SIPA1L3: variants seen among roughly 807,000 people sequenced by gnomAD.
SIPA1L3 encodes signal-induced proliferation-associated 1-like protein 3.
Under a neutral mutation model 150.1 loss-of-function variants are expected in SIPA1L3, and 59 were observed. The observed-to-expected ratio is 0.39, with a 90% CI of 0.32 to 0.49. SIPA1L3 has a LOEUF of 0.49. Among genes scored for constraint, SIPA1L3 ranks in the 20% least tolerant of loss-of-function variants. The pLI, the probability that SIPA1L3 is intolerant of heterozygous loss-of-function variation, is 0.86. For synonymous variants in SIPA1L3, 1,070 were observed against 1,077.6 expected (o/e 0.99, Z 0.14); for missense variants, 2,211 against 2,489.5 (o/e 0.89, Z 2.38).
intron 9 of SIPA1L3, among the ~76,000 whole-genome samples, chr19:38,125,988 A>G (rs1201044540): frequency 6.6e-6 from 1 of 152,206 alleles, no homozygotes; most frequent in African/African-American, 2.4e-5. Flanking sequence ...CCTGGCCAAC[A>G]TGGTGAAACC....
chr19:38,100,397 A>C (rs1970474681), intron 5 of SIPA1L3, among the ~76,000 whole-genome samples: 1 of 152,146 alleles, frequency 6.6e-6, no homozygotes, highest in Admixed American at 6.6e-5. Context: ...CCATGTGTGC[A>C]TGCATATATG....
chr19:38,147,432 G>C (rs1452110798), intron 12 of SIPA1L3, among the ~76,000 whole-genome samples: 1 of 151,838 alleles, frequency 6.6e-6, no homozygotes, highest in Non-Finnish European at 1.5e-5. Context: ...TCAGGTTTTT[G>C]GTGTTGTCTA....
chr19:37,942,076 T>G (rs1313753201), intron 1 of SIPA1L3, among the ~76,000 whole-genome samples: 1 of 152,208 alleles, frequency 6.6e-6, no homozygotes, highest in Admixed American at 6.5e-5. Context: ...TGTGCAGTGA[T>G]GTGCAAACTC....
At chr19:38,148,350 CAAA>C (rs765823221) in intron 12 of SIPA1L3, among the ~76,000 whole-genome samples, 8 of 128,762 alleles carry the variant, frequency 6.2e-5, no homozygotes, top group Non-Finnish European at 1.0e-4. Flanking sequence ...GACTCCATCT[CAAA>C]AAAAAAAAAA....
chr19:38,059,515 G>A (rs141727594), intron 2 of SIPA1L3, among the ~76,000 whole-genome samples: 1 of 152,026 alleles, frequency 6.6e-6, no homozygotes, highest in African/African-American at 2.4e-5. Flanking sequence ...TGTTAGCTGA[G>A]ATTTTAAAAT....
At chr19:37,957,625 G>A (rs2046822767) in intron 1 of SIPA1L3, among the ~76,000 whole-genome samples, 1 of 150,644 alleles carries the variant, frequency 6.6e-6, no homozygotes, top group South Asian at 2.1e-4. Context: ...GCACAATCAT[G>A]GCCTTTTGGG....
chr19:38,109,372 C>T (rs555278852), intron 7 of SIPA1L3: 1 of 152,268 alleles, frequency 6.6e-6, no homozygotes, highest in East Asian at 1.9e-4. Flanking sequence ...AAAGACCCAC[C>T]CCTATGATTC....
rs777246756 is a variant in SIPA1L3 at position 38,119,901 on chromosome 19, C to T, written c.2868+19C>T. Reference sequence around the variant, plus strand: ...ACTGAAGGTAAGGGAGAGAGCCCGGCGATAGGGCGGCGATTTGTATGGTTT... The same window carrying T: ...ACTGAAGGTAAGGGAGAGAGCCCGGTGATAGGGCGGCGATTTGTATGGTTT... On this transcript the variant is annotated intron_variant, in intron 9 of 21. Coordinates refer to ENST00000222345, the MANE Select transcript of SIPA1L3 (RefSeq NM_015073.3). 22 of 1,561,386 alleles carry T rather than the reference C, an allele frequency of 1.4e-5. No individual in the cohort carries two copies. Among genetic ancestry groups the T allele is most frequent in the East Asian group, 1.1e-4 (5 of 44,456 alleles).
chr19:38,025,416 C>G (rs1280077585), intron 1 of SIPA1L3, among the ~76,000 whole-genome samples: 1 of 152,188 alleles, frequency 6.6e-6, no homozygotes, highest in East Asian at 1.9e-4. Flanking sequence ...AGGGTACTGG[C>G]TGGATTCCCG....
intron 1 of SIPA1L3, among the ~76,000 whole-genome samples, chr19:37,930,662 G>C (rs973429486): frequency 3.9e-5 from 6 of 152,110 alleles, no homozygotes; most frequent in African/African-American, 1.4e-4. Flanking sequence ...ACTGCTGAGT[G>C]CAAGTTCTTG....
intron 1 of SIPA1L3, among the ~76,000 whole-genome samples, chr19:37,938,294 C>T (rs1168439100): frequency 1.3e-5 from 2 of 152,140 alleles, no homozygotes; most frequent in East Asian, 3.9e-4. Context: ...GTTACACTTC[C>T]TGGTGCACAT....
At chr19:38,189,654 T>C (rs1299991584) in intron 16 of SIPA1L3, among the ~76,000 whole-genome samples, 1 of 152,038 alleles carries the variant, frequency 6.6e-6, no homozygotes, top group Non-Finnish European at 1.5e-5. Flanking sequence ...TAATCCCAGC[T>C]ACTCGGGAAG....
intron 18 of SIPA1L3, among the ~76,000 whole-genome samples, chr19:38,194,376 C>G (rs542126486): frequency 6.6e-6 from 1 of 151,484 alleles, no homozygotes; most frequent in Non-Finnish European, 1.5e-5. Context: ...CTAACCCCCC[C>G]ACAACTGAAA....
rs141373470 is a variant in SIPA1L3, at chr19:38,082,980, G to A, written c.1415G>A (p.Ser472Asn). The change falls in exon 3 of 22, where the codon AGC becomes AAC. Residue 472 changes from serine to asparagine, a missense_variant. Physicochemically the swap from Ser to Asn is conservative, Grantham distance 46. Coordinates refer to ENST00000222345, the MANE Select transcript of SIPA1L3 (RefSeq NM_015073.3). ...PALSAYRTNA[S>N]ISVLEVPKEQ... ...CTGAGCGCCTACCGCACCAACGCCA[G>A]CATCTCGGTGTTGGAAGTTCCCAAG... 2.1e-4 allele frequency: 334 copies of A among 1,613,168 alleles called. No homozygotes were observed. In the African/African-American group the frequency reaches 3.8e-3, roughly 18 times the overall value.
At chr19:38,149,688 G>T (rs779343341) in intron 12 of SIPA1L3, among the ~76,000 whole-genome samples, 8 of 152,182 alleles carry the variant, frequency 5.3e-5, no homozygotes, top group Non-Finnish European at 8.8e-5. Context: ...AGGTGGTGAG[G>T]CAAAGGCATC....
Position 38,206,266 on chromosome 19 carries a change from C to A in SIPA1L3, c.*26C>A. On this transcript the variant is annotated 3_prime_UTR_variant, in exon 22 of 22. Transcript: ENST00000222345. The stretch of plus-strand genomic sequence containing the variant: ...GGTGGGAGGCCGCCGCCCGCCTTCG[C>A]TCCTTCCCCTCAGGCCGTGGCCCTG... 1.3e-6 allele frequency: 2 copies of A among 1,521,384 alleles called. No individual in the cohort carries two copies. Among genetic ancestry groups the A allele is most frequent in the Admixed American group, 2.0e-5 (1 of 49,588 alleles). 94.2% of individuals were successfully genotyped at this position (1,521,384 alleles called of 1,614,324 possible).
chr19:38,068,419 G>A (rs944662832), intron 2 of SIPA1L3, among the ~76,000 whole-genome samples: 2 of 152,146 alleles, frequency 1.3e-5, no homozygotes, highest in African/African-American at 2.4e-5. Flanking sequence ...GACAGTCAGC[G>A]TCATTCACGT....
At chr19:38,196,033 C>A (rs564415837) in intron 18 of SIPA1L3, among the ~76,000 whole-genome samples, 1 of 152,182 alleles carries the variant, frequency 6.6e-6, no homozygotes, top group Non-Finnish European at 1.5e-5. Flanking sequence ...CCCCACACCC[C>A]TGAGCTGGGG....
At chr19:38,066,640 A>G (rs1363945237) in intron 2 of SIPA1L3, among the ~76,000 whole-genome samples, 1 of 151,860 alleles carries the variant, frequency 6.6e-6, no homozygotes, top group Non-Finnish European at 1.5e-5. Context: ...AGCCTGGCCA[A>G]TGTGGTGAAA....
Sources: gnomAD v4.1 joint callset for allele counts (sites outside exome capture counted in the v4.1 genomes callset) on GRCh38, gnomAD v4.1.1 for gene constraint, MANE v1.5 for transcripts, NCBI Gene and HGNC (gene_info 2026-07-23, HGNC 2026-07-21) for gene names.